The following AHSG variants were observed in gnomAD, a reference collection of about 807,000 sequenced individuals.
AHSG encodes alpha 2-HS glycoprotein.
In AHSG, 23 loss-of-function variants were observed where a neutral mutation model predicts 30.1. The ratio of observed to expected loss-of-function variants is 0.76; its 90% CI spans 0.55 to 1.08. AHSG has a LOEUF of 1.08. AHSG is among the 50% of genes least tolerant of loss of function. The probability of loss-of-function intolerance (pLI) is 0.00; values close to 1 mark genes in which losing one functional copy is unlikely to be tolerated. For missense variants in AHSG, 469 were observed against 459.5 expected (o/e 1.02, Z -0.19); for synonymous variants, 164 against 186.3 (o/e 0.88, Z 0.98).
chr3:186,620,833 C>A lies in AHSG; in HGVS notation c.1007C>A (p.Pro336His), dbSNP rs1355536532. The A allele has an allele frequency of 6.2e-7, 1 of 1,614,146 alleles. No individual in the cohort carries two copies. Among genetic ancestry groups the A allele is most frequent in the Admixed American group, 1.7e-5 (1 of 60,020 alleles). Residue 336 changes from proline to histidine, a missense_variant, in exon 7 of 7, where the codon CCC (proline) becomes CAC (histidine). Pro to His is a moderately conservative substitution (Grantham distance 77). Transcript: ENST00000411641. ...LGSPSGEVSH[P>H]RKTRTVVQPS... ...TCACCCTCAGGAGAAGTGTCGCACCCCCGGAAAACACGCACAGTGGTGCAG... is the reference window on the plus strand; with the variant it reads ...TCACCCTCAGGAGAAGTGTCGCACCACCGGAAAACACGCACAGTGGTGCAG...
In AHSG at chr3:186,617,176, T is replaced by C; in HGVS notation, c.410-11T>C. On this transcript the variant is annotated splice_polypyrimidine_tract_variant and intron_variant, in intron 3 of 6. Transcript: ENST00000411641. ...TGGCTGCCCACATCCTGGTTTCCTCTCTCCGAGCAGACTCAGCCGAGGACG... is the reference window on the plus strand; with the variant it reads ...TGGCTGCCCACATCCTGGTTTCCTCCCTCCGAGCAGACTCAGCCGAGGACG... 6.2e-7 allele frequency: 1 copy of C among 1,603,738 alleles called. No homozygotes were observed. The highest frequency in any genetic ancestry group is 2.2e-5 in the East Asian group (1 of 44,768).
chr3:186,618,319 C>A (rs749521134), intron 4 of AHSG, among the ~76,000 whole-genome samples: 2 of 152,186 alleles, frequency 1.3e-5, no homozygotes, highest in African/African-American at 2.4e-5. Flanking sequence ...GCCCCTCCTA[C>A]AAGGAAGACA....
In AHSG at chr3:186,620,719, A is replaced by G. The variant is rs779306798; in HGVS notation, c.893A>G (p.His298Arg). The G allele has an allele frequency of 6.8e-6, 11 of 1,613,970 alleles. No homozygotes were observed. The Admixed American group carries it at 8.3e-5, about 12-fold the overall frequency. ...LPPAGSPPDSHVLLAAPPGHQ... is the reference protein window; with the variant it reads ...LPPAGSPPDSRVLLAAPPGHQ... ...CCAGCTGGCTCACCCCCAGACTCCC[A>G]TGTGTTACTGGCAGCTCCTCCAGGA... is the stretch of plus-strand genomic sequence containing the variant. Residue 298 changes from histidine to arginine, a missense_variant, in exon 7 of 7, where the codon CAT becomes CGT. Physicochemically the swap from His to Arg is conservative, Grantham distance 29. Transcript: ENST00000411641.
At chr3:186,616,568 G>A in intron 3 of AHSG, 41 bp downstream of exon 3, 1 of 1,494,488 alleles carries the variant, frequency 6.7e-7, no homozygotes, top group Non-Finnish European at 9.2e-7. Context: ...TCCTTGTAGA[G>A]AAAGTGGGGA....
rs181196021 is a variant in AHSG, at chr3:186,621,218, T to C, written c.*288T>C. 74 of 399,054 alleles carry C rather than the reference T, an allele frequency of 1.9e-4. No individual in the cohort carries two copies. The highest frequency in any genetic ancestry group is 7.6e-4 in the African/African-American group (38 of 50,316). 24.7% of individuals were successfully genotyped at this position (399,054 alleles called of 1,614,324 possible). ...CCTCTGGTTGACCTTACAAAAACCA[T>C]TGGAACTGTGACTTTGAAAGGTGCT... On this transcript the variant is annotated 3_prime_UTR_variant, in exon 7 of 7. Transcript: ENST00000411641.
rs927659650 is a variant in AHSG at position 186,621,200 on chromosome 3, T to C, written c.*270T>C. On this transcript the variant is annotated 3_prime_UTR_variant, in exon 7 of 7. Coordinates refer to ENST00000411641, the MANE Select transcript of AHSG (RefSeq NM_001622.4). ...CCATGATTGTGTTCTCTGCCTCTGG[T>C]TGACCTTACAAAAACCATTGGAACT... The C allele has an allele frequency of 4.5e-6, 2 of 445,904 alleles. No individual in the cohort carries two copies. Among genetic ancestry groups the C allele is most frequent in the East Asian group, 7.6e-5 (2 of 26,254 alleles). The allele number at this position is 445,904 out of a possible 1,614,324, so 27.6% of individuals were successfully genotyped here. A position where few individuals can be genotyped will look rare whatever the true frequency, so the allele number is the denominator to read the frequency against.
rs537969176 is a variant in AHSG at position 186,621,043 on chromosome 3, G to A, written c.*113G>A. On this transcript the variant is annotated 3_prime_UTR_variant, in exon 7 of 7. Transcript: ENST00000411641. ...TGCTGGCCACGCAAGTGTCACATGC[G>A]ATCTACATTAATATCAAGTCTTGAC... 1,109 of 981,782 alleles carry A rather than the reference G, an allele frequency of 1.1e-3. 2 individuals are homozygous for A. Among genetic ancestry groups the A allele is most frequent in the Non-Finnish European group, 1.5e-3 (1,006 of 663,426 alleles). 60.8% of individuals were successfully genotyped at this position (981,782 alleles called of 1,614,324 possible).
intron 3 of AHSG, among the ~76,000 whole-genome samples, chr3:186,616,735 C>G (rs1716315864): frequency 6.6e-6 from 1 of 152,110 alleles, no homozygotes; most frequent in African/African-American, 2.4e-5. Flanking sequence ...TCCACCCACC[C>G]GAGGCAGGTG....
chr3:186,615,619 T>C (rs893456016), intron 1 of AHSG, 66 bp from the exon 2 acceptor site: 2 of 1,335,808 alleles, frequency 1.5e-6, no homozygotes, highest in East Asian at 2.3e-5. Context: ...TGAGGGCGCA[T>C]ACCGTGGACC....
rs1488419060 is a variant in AHSG at position 186,619,914 on chromosome 3, G to A, written c.733G>A (p.Val245Met). Residue 245 changes from valine to methionine, a missense_variant, in exon 6 of 7, where the codon GTG (valine) becomes ATG (methionine). Physicochemically the swap from Val to Met is conservative, Grantham distance 21. Coordinates refer to ENST00000411641, the MANE Select transcript of AHSG (RefSeq NM_001622.4). ...SEKLGGAEVA[V>M]TCMVFQTQPV... ...GAAGCTTGGTGGGGCAGAGGTTGCAGTGACCTGCATGGTGTTCCAAACACA... is the reference window on the plus strand; with the variant it reads ...GAAGCTTGGTGGGGCAGAGGTTGCAATGACCTGCATGGTGTTCCAAACACA... The A allele has an allele frequency of 1.2e-6, 2 of 1,613,482 alleles. No individual in the cohort carries two copies. The highest frequency in any genetic ancestry group is 1.7e-6 in the Non-Finnish European group (2 of 1,179,876).
intron 2 of AHSG, among the ~76,000 whole-genome samples, chr3:186,616,082 A>T (rs1483406149): frequency 6.6e-6 from 1 of 152,188 alleles, no homozygotes; most frequent in Non-Finnish European, 1.5e-5. Context: ...TGTAAATCCC[A>T]GCTCCTCGGG....
Position 186,613,274 on chromosome 3 carries a change from A to T in AHSG, c.133A>T (p.Ile45Leu). 3 of 1,614,218 alleles carry T rather than the reference A, an allele frequency of 1.9e-6. No individual in the cohort carries two copies. The Admixed American group carries it at 5.0e-5, about 27-fold the overall frequency. The change falls in exon 1 of 7, where the codon ATA becomes TTA. Residue 45 changes from isoleucine to leucine, a missense_variant. Ile to Leu is a conservative substitution (Grantham distance 5). Coordinates refer to ENST00000411641, the MANE Select transcript of AHSG (RefSeq NM_001622.4). Reference protein sequence around the residue: ...PETEEAALVAIDYINQNLPWG... With the variant: ...PETEEAALVALDYINQNLPWG... The stretch of plus-strand genomic sequence containing the variant: ...AACTGAGGAAGCAGCTCTGGTGGCT[A>T]TAGACTACATCAATCAAAACCTTCC...
chr3:186,619,351 T>C (rs1246731149), intron 5 of AHSG, among the ~76,000 whole-genome samples: 1 of 152,102 alleles, frequency 6.6e-6, no homozygotes, highest in Non-Finnish European at 1.5e-5. Flanking sequence ...AGAATATATC[T>C]ATAAAAATGA....
chr3:186,620,687 A>C lies in AHSG; in HGVS notation c.861A>C (p.Gly287=). 3 of 1,613,528 alleles carry C rather than the reference A, an allele frequency of 1.9e-6. No homozygotes were observed. The highest frequency in any genetic ancestry group is 2.5e-6 in the Non-Finnish European group (3 of 1,179,936). The change falls in exon 7 of 7, where the codon GGA becomes GGC. Residue 287 remains glycine (G), a synonymous_variant. Coordinates refer to ENST00000411641, the MANE Select transcript of AHSG (RefSeq NM_001622.4). ...CGTCCCCTCCACTTGGCGCACCTGG[A>C]CTCCCTCCAGCTGGCTCACCCCCAG... ...APPSPPLGAP[G]LPPAGSPPDS... is the part of the protein sequence containing the mutation.
chr3:186,620,914 GA>G lies in AHSG; in HGVS notation c.1089del (p.Arg363SerfsTer47), dbSNP rs1553777349. On this transcript the variant is annotated frameshift_variant, in exon 7 of 7. Coordinates refer to ENST00000411641, the MANE Select transcript of AHSG (RefSeq NM_001622.4). LOFTEE classifies it high-confidence loss of function. ...GTTCCTCCATGTCCGGGGAGGATCAGACACTTCAAGGTCTAGGCTAGACATG... is the reference window on the plus strand; with the variant it reads ...GTTCCTCCATGTCCGGGGAGGATCAGCACTTCAAGGTCTAGGCTAGACATG... ...PVVPPCPGRI[R>X]HFKV The G allele has an allele frequency of 6.2e-7, 1 of 1,613,326 alleles. No homozygotes were observed. Among genetic ancestry groups the G allele is most frequent in the Non-Finnish European group, 8.5e-7 (1 of 1,179,560 alleles).
chr3:186,619,321 A>G (rs114648802), intron 5 of AHSG, among the ~76,000 whole-genome samples: 1,897 of 152,210 alleles, frequency 0.012, 30 homozygotes, highest in African/African-American at 0.043. Context: ...AAGAAAAAGA[A>G]TTCATCAGTG....
intron 3 of AHSG, 27 bp from the exon 4 acceptor site, chr3:186,617,160 A>C (rs747611395): frequency 6.3e-7 from 1 of 1,591,826 alleles, no homozygotes; most frequent in Non-Finnish European, 8.6e-7. Flanking sequence ...ATGGCTGCCC[A>C]CATCCTGGTT....
Position 186,615,800 on chromosome 3 carries a change from G to A in AHSG, c.324+5G>A, listed in dbSNP as rs1311974225. On this transcript the variant is annotated splice_donor_5th_base_variant and intron_variant, in intron 2 of 6. Transcript: ENST00000411641. The stretch of plus-strand genomic sequence containing the variant: ...GTGAGGCAGCTGAAGGAGCATGTGA[G>A]TACCCTTCTTAGGATGACTGTAGGT... 5 of 1,612,658 alleles carry A rather than the reference G, an allele frequency of 3.1e-6. No individual in the cohort carries two copies. The highest frequency in any genetic ancestry group is 4.2e-6 in the Non-Finnish European group (5 of 1,178,598).
chr3:186,619,924 T>C lies in AHSG; in HGVS notation c.743T>C (p.Met248Thr), dbSNP rs4917. 0.66 allele frequency: 1,070,970 copies of C among 1,611,398 alleles called. 358,503 individuals carry two copies. The highest frequency in any genetic ancestry group is 0.84 in the Middle Eastern group (5,078 of 6,052). The change falls in exon 6 of 7, where the codon ATG becomes ACG. Residue 248 changes from methionine to threonine, a missense_variant. Met to Thr is a moderately conservative substitution (Grantham distance 81). Transcript: ENST00000411641. ...GGGGCAGAGGTTGCAGTGACCTGCA[T>C]GGTGTTCCAAACACAGGTAACAGCT... ...LGGAEVAVTCMVFQTQPVSSQ... is the reference protein window; with the variant it reads ...LGGAEVAVTCTVFQTQPVSSQ...
Sources: allele counts gnomAD v4.1 joint callset (sites outside exome capture counted in the v4.1 genomes callset), GRCh38; gene constraint gnomAD v4.1.1; transcripts MANE v1.5; gene names NCBI Gene and HGNC (gene_info 2026-07-23, HGNC 2026-07-21).